The following PMPCA variants were observed in gnomAD, a reference collection of about 807,000 sequenced individuals.
The protein encoded by PMPCA is peptidase, mitochondrial processing subunit alpha, also known as mitochondrial-processing peptidase subunit alpha.
In PMPCA, 47 loss-of-function variants were observed where a neutral mutation model predicts 59.3. That is an observed-to-expected ratio of 0.79 (90% CI 0.63 to 1.01). The LOEUF is 1.01. PMPCA is among the 50% of genes least tolerant of loss of function. PMPCA has a pLI of 0.00. For missense variants in PMPCA, 726 were observed against 704.5 expected, an observed-to-expected ratio of 1.03 and a Z score of -0.34; for synonymous variants, 338 against 290.3, an observed-to-expected ratio of 1.16 and a Z score of -1.67.
chr9:136,412,929 C>G lies in PMPCA; in HGVS notation c.437+37C>G, dbSNP rs371727062. ...TTTGTGTACAAACTGACTTTGGGTC[C>G]TTGGGAACTGACGTTCTTGTCGTTG... On this transcript the variant is annotated intron_variant, in intron 4 of 12. Transcript: ENST00000371717. 9 of 1,198,696 alleles carry G rather than the reference C, an allele frequency of 7.5e-6. No individual in the cohort carries two copies. In the African/African-American group the frequency reaches 1.0e-4, roughly 14 times the overall value. 74.3% of individuals were successfully genotyped at this position (1,198,696 alleles called of 1,614,324 possible). A position where few individuals can be genotyped will look rare whatever the true frequency, so the allele number is the denominator to read the frequency against.
chr9:136,415,577 C>A (rs545518092), intron 5 of PMPCA, among the ~76,000 whole-genome samples: 1 of 152,348 alleles, frequency 6.6e-6, no homozygotes, highest in East Asian at 1.9e-4. Flanking sequence ...AGGCTACAGT[C>A]CCACGTTAAG....
chr9:136,423,021 G>A (rs1359798634), intron 12 of PMPCA, 74 bp from the exon 13 acceptor site: 19 of 1,514,420 alleles, frequency 1.3e-5, no homozygotes, highest in South Asian at 6.4e-5. Context: ...CGCCCCCTCC[G>A]TGTGTTTACT....
chr9:136,412,160 G>A lies in PMPCA; in HGVS notation c.235G>A (p.Ala79Thr), dbSNP rs767929938. 1 of 1,613,990 alleles carries A rather than the reference G, an allele frequency of 6.2e-7. No individual in the cohort carries two copies. Among genetic ancestry groups the A allele is most frequent in the East Asian group, 2.2e-5 (1 of 44,892 alleles). ...CACATTGGATAATGGGCTTCGCGTG[G>A]CATCTCAGAATAAGTTTGGACAGTT... ...VTTLDNGLRV[A>T]SQNKFGQFCT... The change falls in exon 2 of 13, where the codon GCA (alanine) becomes ACA (threonine). Residue 79 changes from alanine (A) to threonine (T), a missense_variant. By Grantham distance (58) the Ala-to-Thr change is moderately conservative. Transcript: ENST00000371717.
At position 136,410,665 on chromosome 9, in the gene PMPCA, C is replaced by T; in HGVS notation, c.-4C>T. On this transcript the variant is annotated 5_prime_UTR_variant, in exon 1 of 13. Transcript: ENST00000371717. ...TGACGACTGAAGCGGGGCGGAGACG[C>T]AAGATGGCGGCTGTGGTGCTGGCGG... The T allele has an allele frequency of 1.4e-6, 2 of 1,402,284 alleles. No homozygotes were observed. The highest frequency in any genetic ancestry group is 3.1e-5 in the Admixed American group (1 of 32,736). The allele number at this position is 1,402,284 out of a possible 1,614,324, so 86.9% of individuals were successfully genotyped here.
chr9:136,412,058 TCTTCTC>T lies in PMPCA; in HGVS notation c.135_140del (p.Ser46_Pro47del), dbSNP rs1374231853. ...TGGTGCCTATCCCAACATCCCCCTC[TCTTCTC>T]CCTTACCTGGAGTACCCAAGCCTGT... On this transcript the variant is annotated inframe_deletion, in exon 2 of 13. Transcript: ENST00000371717. The T allele has an allele frequency of 1.2e-6, 2 of 1,613,400 alleles. No individual in the cohort carries two copies. The highest frequency in any genetic ancestry group is 1.7e-6 in the Non-Finnish European group (2 of 1,179,474).
chr9:136,418,973 G>C, intron 10 of PMPCA, 55 bp downstream of exon 10: 1 of 1,600,050 alleles, frequency 6.2e-7, no homozygotes, highest in Non-Finnish European at 8.6e-7. Flanking sequence ...AGACCTGGGC[G>C]TCCCTGCCTA....
chr9:136,416,467 G>A (rs1376932859), intron 6 of PMPCA, 76 bp downstream of exon 6: 17 of 1,043,698 alleles, frequency 1.6e-5, no homozygotes, highest in Non-Finnish European at 2.4e-5. Flanking sequence ...TGGGGAGGGT[G>A]CCTCCGTGAT....
intron 8 of PMPCA, 56 bp from the exon 9 acceptor site, chr9:136,418,499 C>A (rs1011410788): frequency 9.1e-7 from 1 of 1,100,010 alleles, no homozygotes; most frequent in Non-Finnish European, 1.4e-6. Flanking sequence ...TGGCGTCTGA[C>A]GGTGCTCCTG....
chr9:136,422,162 T>C, intron 12 of PMPCA, 186 bp downstream of exon 12: 3 of 1,532,326 alleles, frequency 2.0e-6, no homozygotes, highest in Non-Finnish European at 2.6e-6. Flanking sequence ...AGACCTGGTC[T>C]CACTTCCCGG....
At chr9:136,416,876 C>T (rs547258324) in intron 6 of PMPCA, 75 bp from the exon 7 acceptor site, 23 of 1,426,220 alleles carry the variant, frequency 1.6e-5, no homozygotes, top group African/African-American at 2.8e-5. Flanking sequence ...TGCAGATGGG[C>T]GCTGGTGCTG....
chr9:136,412,307 G>A (rs1388891746), intron 2 of PMPCA, 108 bp downstream of exon 2: 3 of 906,036 alleles, frequency 3.3e-6, no homozygotes, highest in South Asian at 2.8e-5. Context: ...TACCCTGAGT[G>A]GAAACAAAGT....
At chr9:136,413,171 C>T (rs1017022226) in intron 4 of PMPCA, among the ~76,000 whole-genome samples, 1 of 152,148 alleles carries the variant, frequency 6.6e-6, no homozygotes, top group Non-Finnish European at 1.5e-5. Context: ...GCCTTGCATA[C>T]GTAATGGACC....
intron 4 of PMPCA, 87 bp downstream of exon 4, chr9:136,412,979 C>G: frequency 1.2e-6 from 1 of 815,844 alleles, no homozygotes; most frequent in Admixed American, 2.0e-5. Context: ...GAGCCCCTCC[C>G]AGCGGGAGGT....
intron 5 of PMPCA, 144 bp from the exon 6 acceptor site, chr9:136,416,147 A>G: frequency 1.5e-6 from 1 of 649,996 alleles, no homozygotes; most frequent in South Asian, 1.8e-5. Flanking sequence ...ACAAGCACCC[A>G]GTCTGCCCCT....
At chr9:136,418,480 C>G in intron 8 of PMPCA, 75 bp from the exon 9 acceptor site, 1 of 958,230 alleles carries the variant, frequency 1.0e-6, no homozygotes, top group East Asian at 2.4e-5. Flanking sequence ...CAGCTCTGCC[C>G]TCCGTCCCTG....
intron 5 of PMPCA, 57 bp from the exon 6 acceptor site, chr9:136,416,234 T>C (rs1430901276): frequency 3.1e-6 from 4 of 1,271,490 alleles, no homozygotes; most frequent in African/African-American, 1.5e-5. Context: ...GGGTCACTGC[T>C]GTGTTCCTCA....
chr9:136,414,799 G>A (rs1323253421), intron 5 of PMPCA, 152 bp downstream of exon 5: 15 of 594,022 alleles, frequency 2.5e-5, no homozygotes, highest in Non-Finnish European at 3.7e-5. Flanking sequence ...AAGAAATAGC[G>A]CTGGGGCTGG....
At chr9:136,413,905 C>T (rs555243815) in intron 4 of PMPCA, among the ~76,000 whole-genome samples, 5 of 152,354 alleles carry the variant, frequency 3.3e-5, no homozygotes, top group East Asian at 1.9e-4. Context: ...CCCTCTTCTT[C>T]GTGGCTGTTG....
At chr9:136,416,198 G>A in intron 5 of PMPCA, 93 bp from the exon 6 acceptor site, 4 of 902,062 alleles carry the variant, frequency 4.4e-6, no homozygotes, top group Middle Eastern at 3.5e-4. Context: ...ACCAACAGGC[G>A]ACACTCAGGC....
Sources: gnomAD v4.1 joint callset for allele counts (sites outside exome capture counted in the v4.1 genomes callset) on GRCh38, gnomAD v4.1.1 for gene constraint, MANE v1.5 for transcripts, NCBI Gene and HGNC (gene_info 2026-07-23, HGNC 2026-07-21) for gene names.